Variants in GRID1 observed in about 807,000 individuals in gnomAD.
The protein encoded by GRID1 is glutamate ionotropic receptor delta type subunit 1.
GRID1 carries 28 observed loss-of-function variants against 98.0 expected under a neutral mutation model. The observed-to-expected ratio is 0.29, with a 90% CI of 0.21 to 0.39. The LOEUF is 0.39. Among genes scored for constraint, GRID1 ranks in the 10% least tolerant of loss-of-function variants. The probability of loss-of-function intolerance (pLI) is 1.00; values close to 1 mark genes in which losing one functional copy is unlikely to be tolerated. For missense variants in GRID1, 1,111 were observed against 1,340.5 expected, an observed-to-expected ratio of 0.83 and a Z score of 2.67; for synonymous variants, 553 against 538.5, an observed-to-expected ratio of 1.03 and a Z score of -0.37.
intron 3 of GRID1, among the ~76,000 whole-genome samples, chr10:86,194,890 C>T (rs1462227878): frequency 6.6e-6 from 1 of 152,090 alleles, no homozygotes; most frequent in African/African-American, 2.4e-5. Context: ...CCCCTTGTCC[C>T]ACTTACAGCA....
rs535570568 is a variant in GRID1 at position 85,972,685 on chromosome 10, G to T, written c.727-56446C>A. On this transcript the variant is annotated intron_variant, in intron 4 of 15. Transcript: ENST00000327946. ...CTGAACATTTAGGTTGTTTCCAATT[G>T]TTCAGTATGGAAGATAGCACTACAA... 2.2e-3 allele frequency among the ~76,000 whole-genome samples: 334 copies of T among 151,788 alleles called. 2 individuals carry two copies. The highest frequency in any genetic ancestry group is 7.7e-3 in the African/African-American group (317 of 41,414).
At chr10:86,324,762 T>C (rs1472639843) in intron 2 of GRID1, among the ~76,000 whole-genome samples, 1 of 149,718 alleles carries the variant, frequency 6.7e-6, no homozygotes, top group Non-Finnish European at 1.5e-5. Flanking sequence ...GATTAAGTTA[T>C]GCTAATAAAA....
intron 4 of GRID1, among the ~76,000 whole-genome samples, chr10:85,954,671 C>T (rs1187371008): frequency 6.6e-6 from 1 of 152,166 alleles, no homozygotes; most frequent in Non-Finnish European, 1.5e-5. Flanking sequence ...CATAAAATAG[C>T]AAAATCAGGC....
chr10:85,910,920 A>T (rs1023110796), intron 5 of GRID1, among the ~76,000 whole-genome samples: 1 of 152,218 alleles, frequency 6.6e-6, no homozygotes, highest in Non-Finnish European at 1.5e-5. Flanking sequence ...GTCCTAGACA[A>T]TCACAGATTC....
intron 4 of GRID1, among the ~76,000 whole-genome samples, chr10:85,920,196 T>C (rs1195432620): frequency 1.3e-5 from 2 of 152,138 alleles, no homozygotes; most frequent in Non-Finnish European, 2.9e-5. Flanking sequence ...CCCATAATTT[T>C]TAATAAATCA....
At chr10:85,666,489 C>T (rs565060599) in intron 12 of GRID1, among the ~76,000 whole-genome samples, 4 of 152,254 alleles carry the variant, frequency 2.6e-5, no homozygotes, top group South Asian at 2.1e-4. Flanking sequence ...CTCTCCCCAG[C>T]GGGGGCAGGT....
chr10:86,355,926 G>T (rs1318999678), intron 2 of GRID1, among the ~76,000 whole-genome samples: 1 of 152,250 alleles, frequency 6.6e-6, no homozygotes, highest in Non-Finnish European at 1.5e-5. Context: ...GAGGGACAGG[G>T]CCACAGGGCT....
chr10:85,936,822 G>A (rs1433269424), intron 4 of GRID1, among the ~76,000 whole-genome samples: 2 of 152,184 alleles, frequency 1.3e-5, no homozygotes, highest in Non-Finnish European at 2.9e-5. Context: ...GTGAGTTTTA[G>A]AATGCCATTA....
rs577100084 is a variant in GRID1 at position 85,635,797 on chromosome 10, A to T, written c.2193+11405T>A. Among the ~76,000 whole-genome samples the T allele has an allele frequency of 5.3e-5, 8 of 152,328 alleles. No individual in the cohort carries two copies. In the South Asian group the frequency reaches 1.7e-3, roughly 32 times the overall value. On this transcript the variant is annotated intron_variant, in intron 13 of 15. Transcript: ENST00000327946. ...CTCAGGAGACGTTAATGCTTCTGTTATGGCCTGAGGGATAACCAGGAACCA... is the reference window on the plus strand; with the variant it reads ...CTCAGGAGACGTTAATGCTTCTGTTTTGGCCTGAGGGATAACCAGGAACCA...
intron 4 of GRID1, among the ~76,000 whole-genome samples, chr10:86,066,922 C>T (rs914203823): frequency 4.6e-5 from 7 of 152,248 alleles, no homozygotes; most frequent in Admixed American, 1.3e-4. Context: ...GCTGGTAGGG[C>T]CTGGGGCTTT....
intron 12 of GRID1, among the ~76,000 whole-genome samples, chr10:85,651,416 C>A (rs1405834139): frequency 6.6e-6 from 1 of 152,180 alleles, no homozygotes; most frequent in East Asian, 1.9e-4. Context: ...TCCTCAACTG[C>A]CCATCTGTCT....
chr10:85,616,703 CAAAATGACTTTG>C (rs1564678411), intron 14 of GRID1, among the ~76,000 whole-genome samples: 2 of 152,112 alleles, frequency 1.3e-5, no homozygotes, highest in Non-Finnish European at 2.9e-5. Flanking sequence ...GTCACGGGTA[CAAAATGACTTTG>C]AAAATGAGGC....
chr10:85,867,546 A>G (rs1169809176), intron 6 of GRID1, among the ~76,000 whole-genome samples: 1 of 152,256 alleles, frequency 6.6e-6, no homozygotes, highest in African/African-American at 2.4e-5. Flanking sequence ...GCTGGGAATC[A>G]TGACTACAGA....
chr10:85,898,177 T>C (rs2131813797), intron 5 of GRID1, among the ~76,000 whole-genome samples: 1 of 152,338 alleles, frequency 6.6e-6, no homozygotes, highest in Non-Finnish European at 1.5e-5. Flanking sequence ...CCCAATGGTA[T>C]TTGTGTATCT....
intron 12 of GRID1, among the ~76,000 whole-genome samples, chr10:85,705,648 C>T (rs1841507325): frequency 6.6e-6 from 1 of 152,072 alleles, no homozygotes; most frequent in Non-Finnish European, 1.5e-5. Flanking sequence ...GGTAGAGAAA[C>T]AACAAAAACA....
chr10:85,734,114 A>T (rs543488988), intron 8 of GRID1, among the ~76,000 whole-genome samples: 1 of 152,284 alleles, frequency 6.6e-6, no homozygotes, highest in East Asian at 1.9e-4. Context: ...CCAATAAATC[A>T]GTGCTTTGGC....
chr10:86,206,471 G>A lies in GRID1; in HGVS notation c.413C>T (p.Ala138Val), dbSNP rs992156183. ...GGGTGGTCTCGAAGCCAGTGTGTAG[G>A]CCTCACCATCGGGGCTGGGGTTCAG... ...CHLNPSPDGE[A>V]YTLASRPPVR... The change falls in exon 3 of 16, where the codon GCC becomes GTC. Residue 138 changes from alanine to valine, a missense_variant. This residue lies in a region of GRID1 where 346 missense variants were observed against 452.3 expected (regional missense o/e 0.76). Coordinates refer to ENST00000327946, the MANE Select transcript of GRID1 (RefSeq NM_017551.3). The surrounding 1 kb of genome is among the most constrained non-coding windows in gnomAD (Gnocchi z 4.1). The A allele has an allele frequency of 1.9e-6, 3 of 1,614,106 alleles. No individual in the cohort carries two copies. The highest frequency in any genetic ancestry group is 2.5e-6 in the Non-Finnish European group (3 of 1,180,048).
rs58227698 is a variant in GRID1, at chr10:86,345,986, C to T, written c.235+17955G>A. On this transcript the variant is annotated intron_variant, in intron 2 of 15. Coordinates refer to ENST00000327946, the MANE Select transcript of GRID1 (RefSeq NM_017551.3). The stretch of plus-strand genomic sequence containing the variant: ...TTAAGACTCAGCTCAGAAGTCACTT[C>T]TTCCAGGAAGCCTCCCCTGGTTAAC... Among the ~76,000 whole-genome samples, 1,378 of 152,350 alleles carry T rather than the reference C, an allele frequency of 9.0e-3. 14 individuals are homozygous for T. The highest frequency in any genetic ancestry group is 0.023 in the South Asian group (109 of 4,826).
At chr10:85,737,072 T>C (rs1841890329) in intron 8 of GRID1, among the ~76,000 whole-genome samples, 1 of 152,104 alleles carries the variant, frequency 6.6e-6, no homozygotes, top group Admixed American at 6.6e-5. Context: ...CTAGGACCAC[T>C]CTTGAACATC....
Sources: gnomAD v4.1 joint callset for allele counts (sites outside exome capture counted in the v4.1 genomes callset) on GRCh38, gnomAD v4.1.1 for gene constraint, gnomAD v4.1.1 regional missense constraint, Gnocchi (gnomAD v3.1) non-coding constraint, MANE v1.5 for transcripts, NCBI Gene and HGNC (gene_info 2026-07-23, HGNC 2026-07-21) for gene names.